SORBS2: variants seen among roughly 807,000 people sequenced by gnomAD.
SORBS2 encodes sorbin and SH3 domain-containing protein 2.
A neutral mutation model predicts 97.7 loss-of-function variants in SORBS2; 46 were observed. That is an observed-to-expected ratio of 0.47 (90% confidence interval 0.37 to 0.60). The LOEUF (loss-of-function observed/expected upper bound fraction) is 0.60. Among genes scored for constraint, SORBS2 ranks in the 20% least tolerant of loss-of-function variants. The pLI, the probability that SORBS2 is intolerant of heterozygous loss-of-function variation, is 0.00. For missense variants in SORBS2, 1,316 were observed against 1,282.3 expected, an observed-to-expected ratio of 1.03 and a Z score of -0.40; for synonymous variants, 476 against 473.4, an observed-to-expected ratio of 1.01 and a Z score of -0.07.
At chr4:185,655,323 T>C (rs1194295919) in intron 1 of SORBS2, among the ~76,000 whole-genome samples, 3 of 152,244 alleles carry the variant, frequency 2.0e-5, no homozygotes, top group Non-Finnish European at 4.4e-5. Context: ...AGTACCGCCT[T>C]TGGCAAATAC....
intron 4 of SORBS2, among the ~76,000 whole-genome samples, chr4:185,640,250 G>T (rs1307430146): frequency 6.6e-6 from 1 of 152,176 alleles, no homozygotes; most frequent in African/African-American, 2.4e-5. Flanking sequence ...ATACCAAGCA[G>T]TCAAAACGGA....
Position 185,623,580 on chromosome 4 carries a change from G to A in SORBS2, c.1549C>T (p.Leu517=). The A allele has an allele frequency of 6.2e-7, 1 of 1,614,086 alleles. No individual in the cohort carries two copies. Among genetic ancestry groups the A allele is most frequent in the Non-Finnish European group, 8.5e-7 (1 of 1,180,012 alleles). The change falls in exon 7 of 15, where the codon CTA becomes TTA. Residue 517 remains leucine (L), a synonymous_variant. Transcript: ENST00000418609. The surrounding 1 kb of genome is among the most constrained non-coding windows in gnomAD (Gnocchi z 6.4). ...TCACTGCAGAAGGATGACCCCTCTA[G>A]GTGAATGTAGTCACTGTGGTCGGAC...
chr4:185,886,242 G>A (rs34520754), intron 1 of SORBS2, among the ~76,000 whole-genome samples: 41,844 of 151,922 alleles, frequency 0.28, 5,988 homozygotes, highest in East Asian at 0.53. Flanking sequence ...AGGCTAAGGT[G>A]TTCTAGGCTG....
intron 2 of SORBS2, among the ~76,000 whole-genome samples, chr4:185,722,597 T>C (rs531946639): frequency 8.4e-4 from 128 of 152,294 alleles, no homozygotes; most frequent in African/African-American, 2.6e-3. Flanking sequence ...TTATTGGGAA[T>C]AGATTATTAG....
At chr4:185,619,560 T>C (rs2096681898) in intron 8 of SORBS2, among the ~76,000 whole-genome samples, 1 of 152,176 alleles carries the variant, frequency 6.6e-6, no homozygotes, top group Non-Finnish European at 1.5e-5. Flanking sequence ...CAGAGTTCAG[T>C]TGGTGGGTGG....
intron 1 of SORBS2, among the ~76,000 whole-genome samples, chr4:185,846,627 T>C (rs1367824946): frequency 6.6e-6 from 1 of 152,224 alleles, no homozygotes; most frequent in African/African-American, 2.4e-5. Flanking sequence ...GGCAATCCTA[T>C]TGGGAACAAT....
chr4:185,865,604 C>G (rs1361585177), intron 1 of SORBS2, among the ~76,000 whole-genome samples: 2 of 152,192 alleles, frequency 1.3e-5, no homozygotes, highest in Non-Finnish European at 2.9e-5. Flanking sequence ...AACACCATTT[C>G]AAGAACATCC....
chr4:185,678,552 C>T lies in SORBS2; in HGVS notation c.-170-5G>A. On this transcript the variant is annotated splice_region_variant and splice_polypyrimidine_tract_variant and intron_variant, in intron 3 of 20. Transcript: ENST00000284776. Reference sequence around the variant, plus strand: ...CATCATTGTAAGATCTCCAAGCTTTCATTAAGGGAAAACAATTGGATACAA... The same window carrying T: ...CATCATTGTAAGATCTCCAAGCTTTTATTAAGGGAAAACAATTGGATACAA... The T allele has an allele frequency of 6.5e-7, 1 of 1,531,686 alleles. No individual in the cohort carries two copies. 94.9% of individuals were successfully genotyped at this position (1,531,686 alleles called of 1,614,324 possible).
At chr4:185,858,626 G>A (rs2099222003) in intron 1 of SORBS2, among the ~76,000 whole-genome samples, 1 of 152,134 alleles carries the variant, frequency 6.6e-6, no homozygotes, top group Admixed American at 6.5e-5. Context: ...CAAGTTCATA[G>A]TGGGCCACTA....
intron 1 of SORBS2, among the ~76,000 whole-genome samples, chr4:185,913,506 AACTG>A (rs2099256471): frequency 6.6e-6 from 1 of 152,258 alleles, no homozygotes; most frequent in Admixed American, 6.5e-5. Flanking sequence ...ATTCAGTTCA[AACTG>A]ACTGTTTTCT....
At chr4:185,817,822 T>C (rs2099194206) in intron 1 of SORBS2, among the ~76,000 whole-genome samples, 3 of 152,184 alleles carry the variant, frequency 2.0e-5, no homozygotes, top group Admixed American at 2.0e-4. Flanking sequence ...CTGCCAAATG[T>C]GCAAATCTCA....
intron 1 of SORBS2, among the ~76,000 whole-genome samples, chr4:185,843,813 T>C (rs2099212987): frequency 1.3e-5 from 2 of 152,330 alleles, no homozygotes; most frequent in Middle Eastern, 3.4e-3. Context: ...TAAATCCCAA[T>C]TAAAATTCAA....
chr4:185,776,825 G>A (rs750398023), intron 1 of SORBS2, among the ~76,000 whole-genome samples: 13 of 151,686 alleles, frequency 8.6e-5, no homozygotes, highest in East Asian at 1.9e-4. Flanking sequence ...GCTTGAAGCC[G>A]GGAGGTGGAG....
At chr4:185,746,215 C>T (rs896959067) in intron 2 of SORBS2, among the ~76,000 whole-genome samples, 13 of 152,154 alleles carry the variant, frequency 8.5e-5, no homozygotes, top group East Asian at 1.9e-4. Context: ...AAGTCCTCCG[C>T]GGACATCACC....
chr4:185,787,831 T>TA (rs1409954487), intron 1 of SORBS2, among the ~76,000 whole-genome samples: 1 of 152,212 alleles, frequency 6.6e-6, no homozygotes, highest in Non-Finnish European at 1.5e-5. Context: ...GGACGAGTGT[T>TA]ATAGTTCTCA....
At chr4:185,928,546 C>G (rs34614903) in intron 1 of SORBS2, among the ~76,000 whole-genome samples, 47,094 of 151,686 alleles carry the variant, frequency 0.31, 8,124 homozygotes, top group East Asian at 0.52. Flanking sequence ...GTATAAGAAG[C>G]TTCTTCTTCT....
chr4:185,936,345 G>A (rs1376479033), intron 1 of SORBS2, among the ~76,000 whole-genome samples: 2 of 152,226 alleles, frequency 1.3e-5, no homozygotes, highest in African/African-American at 4.8e-5. Context: ...ATGGCCAACT[G>A]AGAGTGGGCA....
intron 1 of SORBS2, among the ~76,000 whole-genome samples, chr4:185,952,697 G>A (rs532353812): frequency 2.6e-4 from 40 of 152,280 alleles, no homozygotes; most frequent in African/African-American, 4.6e-4. Flanking sequence ...TGCCGACAGC[G>A]TTAATTTTGA....
chr4:185,830,895 A>G (rs1579107078), intron 1 of SORBS2, among the ~76,000 whole-genome samples: 3 of 152,280 alleles, frequency 2.0e-5, no homozygotes, highest in East Asian at 3.9e-4. Context: ...TCCAGTAGCC[A>G]TTCTGCTAGA....
Sources: allele counts gnomAD v4.1 joint callset (sites outside exome capture counted in the v4.1 genomes callset), GRCh38; gene constraint gnomAD v4.1.1; non-coding constraint Gnocchi (gnomAD v3.1); transcripts MANE v1.5; gene names NCBI Gene and HGNC (gene_info 2026-07-23, HGNC 2026-07-21).